The following NPAS3 variants were observed in gnomAD, a reference collection of about 807,000 sequenced individuals.
The protein encoded by NPAS3 is neuronal PAS domain protein 3, also known as neuronal PAS domain-containing protein 3.
A neutral mutation model predicts 73.1 loss-of-function variants in NPAS3; 14 were observed. That is an observed-to-expected ratio of 0.19 (90% CI 0.13 to 0.30). The LOEUF is 0.30. NPAS3 is among the 10% of genes least tolerant of loss of function. The pLI, the probability that NPAS3 is intolerant of heterozygous loss-of-function variation, is 1.00. For synonymous variants in NPAS3, 620 were observed against 541.5 expected (o/e 1.14, Z -2.01); for missense variants, 1,096 against 1,250.0 (o/e 0.88, Z 1.86).
intron 1 of NPAS3, among the ~76,000 whole-genome samples, chr14:32,977,356 G>GCACACACACA (rs3057259): frequency 0.094 from 13,343 of 141,342 alleles, 679 homozygotes; most frequent in Middle Eastern, 0.17. Context: ...TCTCTGACAC[G>GCACACACACA]CACACACACA....
At chr14:33,356,981 T>C (rs1260881505) in intron 3 of NPAS3, among the ~76,000 whole-genome samples, 1 of 152,218 alleles carries the variant, frequency 6.6e-6, no homozygotes, top group East Asian at 1.9e-4. Flanking sequence ...GTAAGCCTGT[T>C]TACTAATCTG....
At chr14:33,449,654 G>A (rs1458174872) in intron 4 of NPAS3, among the ~76,000 whole-genome samples, 1 of 151,826 alleles carries the variant, frequency 6.6e-6, no homozygotes, top group Non-Finnish European at 1.5e-5. Context: ...CACACACAGA[G>A]AAGAAACTGA....
chr14:33,223,204 C>T (rs12884097), intron 3 of NPAS3, among the ~76,000 whole-genome samples: 47,569 of 151,930 alleles, frequency 0.31, 7,700 homozygotes, highest in East Asian at 0.51. Flanking sequence ...CCAGCTACTC[C>T]GGAAGCTGAG....
chr14:33,759,445 T>C (rs1189361579), intron 7 of NPAS3, among the ~76,000 whole-genome samples: 1 of 152,180 alleles, frequency 6.6e-6, no homozygotes, highest in Non-Finnish European at 1.5e-5. Context: ...AAATGGGAAG[T>C]GGCAGGGCCT....
chr14:33,783,996 G>T (rs1390004254), intron 9 of NPAS3, among the ~76,000 whole-genome samples: 1 of 152,180 alleles, frequency 6.6e-6, no homozygotes, highest in Non-Finnish European at 1.5e-5. Context: ...GGTGAGTAGT[G>T]AAATAACTCT....
intron 2 of NPAS3, among the ~76,000 whole-genome samples, chr14:33,088,885 AG>A (rs1311078395): frequency 6.6e-6 from 1 of 152,214 alleles, no homozygotes; most frequent in Non-Finnish European, 1.5e-5. Context: ...GCTGTTCTGC[AG>A]CCTCTGCTGC....
At chr14:33,662,543 A>G (rs1360185182) in intron 5 of NPAS3, among the ~76,000 whole-genome samples, 1 of 152,168 alleles carries the variant, frequency 6.6e-6, no homozygotes, top group East Asian at 1.9e-4. Context: ...CTTGGGCAGT[A>G]TGGCCATTTT....
intron 4 of NPAS3, among the ~76,000 whole-genome samples, chr14:33,480,567 C>T (rs868020573): frequency 5.9e-5 from 4 of 68,208 alleles, no homozygotes; most frequent in South Asian, 8.6e-4. Flanking sequence ...CTCCCTCCCT[C>T]CCTCCCTCTC....
At chr14:33,423,527 A>G (rs771127204) in intron 4 of NPAS3, among the ~76,000 whole-genome samples, 14 of 151,932 alleles carry the variant, frequency 9.2e-5, no homozygotes, top group Non-Finnish European at 1.8e-4. Context: ...GTTAATATCC[A>G]TTTTATTTGT....
intron 1 of NPAS3, among the ~76,000 whole-genome samples, chr14:33,000,041 C>T (rs1196345227): frequency 1.3e-5 from 2 of 152,160 alleles, no homozygotes; most frequent in African/African-American, 4.8e-5. Context: ...GAACCCTTCA[C>T]TCTGCTGGGG....
At chr14:33,506,532 T>A (rs2052770428) in intron 4 of NPAS3, among the ~76,000 whole-genome samples, 1 of 152,054 alleles carries the variant, frequency 6.6e-6, no homozygotes, top group Admixed American at 6.6e-5. Context: ...TGGTAACAAA[T>A]TATATGCTGG....
At chr14:33,540,761 C>T (rs534912124) in intron 4 of NPAS3, among the ~76,000 whole-genome samples, 12 of 151,766 alleles carry the variant, frequency 7.9e-5, no homozygotes, top group African/African-American at 9.7e-5. Context: ...GGGAAGGGAA[C>T]GAGAAAATAA....
chr14:33,674,194 T>C (rs1488871630), intron 5 of NPAS3, among the ~76,000 whole-genome samples: 1 of 152,184 alleles, frequency 6.6e-6, no homozygotes, highest in African/African-American at 2.4e-5. Context: ...TCTATAAGAC[T>C]GGCTTACATG....
chr14:33,092,731 G>C (rs899136148), intron 2 of NPAS3, among the ~76,000 whole-genome samples: 1 of 152,080 alleles, frequency 6.6e-6, no homozygotes, highest in Admixed American at 6.6e-5. Flanking sequence ...CTACAAGGCT[G>C]CAGTAACCAA....
At chr14:33,193,353 G>T (rs751276273) in intron 2 of NPAS3, among the ~76,000 whole-genome samples, 3 of 152,108 alleles carry the variant, frequency 2.0e-5, no homozygotes, top group Non-Finnish European at 4.4e-5. Context: ...AGCCATAGGG[G>T]AGTCAATATT....
intron 4 of NPAS3, among the ~76,000 whole-genome samples, chr14:33,532,229 T>C (rs1207407599): frequency 6.6e-6 from 1 of 152,194 alleles, no homozygotes; most frequent in African/African-American, 2.4e-5. Context: ...ATTACTGAGC[T>C]TCTGATCTTT....
intron 3 of NPAS3, among the ~76,000 whole-genome samples, chr14:33,275,631 C>A (rs1190857161): frequency 6.6e-6 from 1 of 152,100 alleles, no homozygotes; most frequent in African/African-American, 2.4e-5. Flanking sequence ...ATAGATTCAT[C>A]CAGGATGGAA....
chr14:33,260,683 T>C (rs2048944573), intron 3 of NPAS3, among the ~76,000 whole-genome samples: 1 of 152,212 alleles, frequency 6.6e-6, no homozygotes, highest in Non-Finnish European at 1.5e-5. Context: ...ATAACAGTTT[T>C]GTCCTGGTCT....
chr14:33,722,763 T>G (rs982705030), intron 6 of NPAS3, among the ~76,000 whole-genome samples: 14 of 152,190 alleles, frequency 9.2e-5, no homozygotes, highest in African/African-American at 3.1e-4. Flanking sequence ...TCTAAATTAT[T>G]ACAAAGTATA....
Sources: gnomAD v4.1 joint callset for allele counts (sites outside exome capture counted in the v4.1 genomes callset) on GRCh38, gnomAD v4.1.1 for gene constraint, MANE v1.5 for transcripts, NCBI Gene and HGNC (gene_info 2026-07-23, HGNC 2026-07-21) for gene names.